The following RAB11FIP5 variants were observed in gnomAD, a reference collection of about 807,000 sequenced individuals.
RAB11FIP5 encodes the protein rab11 family-interacting protein 5.
RAB11FIP5 carries 48 observed loss-of-function variants against 85.1 expected under a neutral mutation model. That is an observed-to-expected ratio of 0.56 (90% confidence interval 0.45 to 0.72). The LOEUF (loss-of-function observed/expected upper bound fraction) is 0.72. RAB11FIP5 is among the 30% of genes least tolerant of loss of function. RAB11FIP5 has a pLI of 0.00. For missense variants in RAB11FIP5, 1,491 were observed against 1,687.0 expected (o/e 0.88, Z 2.04); for synonymous variants, 729 against 727.3 (o/e 1.00, Z -0.04).
Position 73,112,832 on chromosome 2 carries a change from G to A in RAB11FIP5, c.-55C>T. ...GAGCCGGTGCAGACCCCAGGACCTG[G>A]TGACAAACCCGGCCGCGGCAGAAGG... On this transcript the variant is annotated 5_prime_UTR_variant, in exon 1 of 6. Coordinates refer to ENST00000486777, the MANE Select transcript of RAB11FIP5 (RefSeq NM_001371272.1). 1 of 1,334,870 alleles carries A rather than the reference G, an allele frequency of 7.5e-7. No homozygotes were observed. The highest frequency in any genetic ancestry group is 9.5e-7 in the Non-Finnish European group (1 of 1,047,434). The allele number at this position is 1,334,870 out of a possible 1,614,324, so 82.7% of individuals were successfully genotyped here. A position where few individuals can be genotyped will look rare whatever the true frequency, so the allele number is the denominator to read the frequency against.
In RAB11FIP5 at chr2:73,075,170, T is replaced by C. The variant is rs930981650; in HGVS notation, c.*351A>G. The C allele has an allele frequency of 1.8e-6, 1 of 560,138 alleles. No individual in the cohort carries two copies. The highest frequency in any genetic ancestry group is 1.9e-5 in the African/African-American group (1 of 53,926). The allele number at this position is 560,138 out of a possible 1,614,324, so 34.7% of individuals were successfully genotyped here. On this transcript the variant is annotated 3_prime_UTR_variant, in exon 6 of 6. Transcript: ENST00000486777. The surrounding 1 kb of genome is among the most constrained non-coding windows in gnomAD (Gnocchi z 4.6). Reference sequence around the variant, plus strand: ...CCTTGGGGGATAATAAAGTATGTGCTAGCAACCAGTCTTGTCCCAGATTAC... The same window carrying C: ...CCTTGGGGGATAATAAAGTATGTGCCAGCAACCAGTCTTGTCCCAGATTAC...
chr2:73,082,677 A>ACTCTGGGGACGGGGACAGGGCAGGTG (rs1295409301), intron 3 of RAB11FIP5, among the ~76,000 whole-genome samples: 1 of 152,014 alleles, frequency 6.6e-6, no homozygotes, highest in Non-Finnish European at 1.5e-5. Flanking sequence ...CTTCTCAGGG[A>ACTCTGGGGACGGGGACAGGGCAGGTG]CTCTGGGGAC....
chr2:73,089,549 C>G lies in RAB11FIP5; in HGVS notation c.432-234G>C, dbSNP rs1434967396. ...CCACATCCTGAGTGGGGAAGCTCCT[C>G]GGGTGCCACCAGGTAGGGCGGCGGT... On this transcript the variant is annotated intron_variant, in intron 1 of 5. Transcript: ENST00000486777. The surrounding 1 kb of genome is among the most constrained non-coding windows in gnomAD (Gnocchi z 4.6). 2 of 600,878 alleles carry G rather than the reference C, an allele frequency of 3.3e-6. No individual in the cohort carries two copies. Among genetic ancestry groups the G allele is most frequent in the Non-Finnish European group, 6.0e-6 (2 of 332,008 alleles). The allele number at this position is 600,878 out of a possible 1,614,324, so 37.2% of individuals were successfully genotyped here.
chr2:73,087,395 C>A (rs894834584), intron 3 of RAB11FIP5, among the ~76,000 whole-genome samples: 3 of 152,210 alleles, frequency 2.0e-5, no homozygotes, highest in Non-Finnish European at 2.9e-5. Context: ...GCACTTCCCA[C>A]GGTGCCATAC....
At position 73,073,491 on chromosome 2, in the gene RAB11FIP5, C is replaced by G. The variant is rs965761107; in HGVS notation, c.*2030G>C. 1.3e-5 allele frequency: 2 copies of G among 152,726 alleles called. No homozygotes were observed. Among genetic ancestry groups the G allele is most frequent in the Admixed American group, 6.5e-5 (1 of 15,292 alleles). The allele number at this position is 152,726 out of a possible 1,614,324, so 9.5% of individuals were successfully genotyped here. On this transcript the variant is annotated 3_prime_UTR_variant, in exon 6 of 6. Transcript: ENST00000486777. ...AAACAGCAAAGCAGAACCATGCCTG[C>G]TCCCTGCCCAACCCACCTGCAACTT...
chr2:73,106,365 A>G (rs1471784684), intron 1 of RAB11FIP5, among the ~76,000 whole-genome samples: 3 of 152,124 alleles, frequency 2.0e-5, no homozygotes, highest in Non-Finnish European at 4.4e-5. Flanking sequence ...AGAGGAGGAG[A>G]CCACAGCCAG....
chr2:73,097,959 C>T (rs907674636), intron 1 of RAB11FIP5, among the ~76,000 whole-genome samples: 1 of 134,962 alleles, frequency 7.4e-6, no homozygotes, highest in Non-Finnish European at 1.5e-5. Context: ...ACTCAGTTAG[C>T]ACCTACTGTG....
chr2:73,108,390 G>A (rs1684571752), intron 1 of RAB11FIP5, among the ~76,000 whole-genome samples: 2 of 152,182 alleles, frequency 1.3e-5, no homozygotes, highest in African/African-American at 2.4e-5. Context: ...TTATCAGGAT[G>A]AGGGAGAAGG....
In RAB11FIP5 at chr2:73,075,216, C is replaced by T. The variant is rs1683827559; in HGVS notation, c.*305G>A. The T allele has an allele frequency of 7.5e-6, 5 of 662,694 alleles. No homozygotes were observed. Among genetic ancestry groups the T allele is most frequent in the Non-Finnish European group, 8.3e-6 (3 of 359,576 alleles). 41.1% of individuals were successfully genotyped at this position (662,694 alleles called of 1,614,324 possible). A position where few individuals can be genotyped will look rare whatever the true frequency, so the allele number is the denominator to read the frequency against. On this transcript the variant is annotated 3_prime_UTR_variant, in exon 6 of 6. Coordinates refer to ENST00000486777, the MANE Select transcript of RAB11FIP5 (RefSeq NM_001371272.1). The surrounding 1 kb of genome is among the most constrained non-coding windows in gnomAD (Gnocchi z 4.6). The stretch of plus-strand genomic sequence containing the variant: ...ATTACTGCATCAAGCTACAGTTCAC[C>T]CCTGCTCTGTCTTGGGGGAAGAGTT...
At chr2:73,084,249 C>T (rs1439434417) in intron 3 of RAB11FIP5, 1 of 152,286 alleles carries the variant, frequency 6.6e-6, no homozygotes, top group East Asian at 1.9e-4. Flanking sequence ...ACACATCCCT[C>T]CTTCATGCCT....
intron 1 of RAB11FIP5, among the ~76,000 whole-genome samples, chr2:73,091,748 A>T (rs1684215024): frequency 6.6e-6 from 1 of 152,180 alleles, no homozygotes; most frequent in Non-Finnish European, 1.5e-5. Context: ...TCCCTATAGA[A>T]GAGCCCATCA....
At position 73,077,485 on chromosome 2, in the gene RAB11FIP5, T is replaced by C. The variant is rs1683885972; in HGVS notation, c.3582-1303A>G. ...CAACCATGCTGCTGCAGGATAATGA[T>C]CTCAGCATTCTCAAAGCTTGAGAAT... On this transcript the variant is annotated intron_variant, in intron 4 of 5. Coordinates refer to ENST00000486777, the MANE Select transcript of RAB11FIP5 (RefSeq NM_001371272.1). 2.6e-5 allele frequency among the ~76,000 whole-genome samples: 4 copies of C among 152,210 alleles called. No individual in the cohort carries two copies. In the South Asian group the frequency reaches 8.3e-4, roughly 32 times the overall value.
chr2:73,096,337 A>G (rs1341457856), intron 1 of RAB11FIP5, among the ~76,000 whole-genome samples: 1 of 152,192 alleles, frequency 6.6e-6, no homozygotes, highest in African/African-American at 2.4e-5. Context: ...TCCTGCACTC[A>G]GGGGAGAGCT....
chr2:73,087,330 G>A (rs1042987395), intron 3 of RAB11FIP5, among the ~76,000 whole-genome samples: 2 of 152,220 alleles, frequency 1.3e-5, no homozygotes, highest in African/African-American at 4.8e-5. Context: ...CAGGGTCTCT[G>A]CCCAGGGCCT....
At position 73,112,788 on chromosome 2, in the gene RAB11FIP5, C is replaced by CG; in HGVS notation, c.-12dup. 3 of 1,418,328 alleles carry CG rather than the reference C, an allele frequency of 2.1e-6. No individual in the cohort carries two copies. Among genetic ancestry groups the CG allele is most frequent in the Non-Finnish European group, 2.7e-6 (3 of 1,095,514 alleles). 87.9% of individuals were successfully genotyped at this position (1,418,328 alleles called of 1,614,324 possible). ...CCGCACCAGGGCCATGGCGGAGAAG[C>CG]GGGGGGCGAGGTCTGGCCGAGCCGG... On this transcript the variant is annotated 5_prime_UTR_variant, in exon 1 of 6. Transcript: ENST00000486777.
intron 1 of RAB11FIP5, among the ~76,000 whole-genome samples, chr2:73,104,466 G>T (rs1684486078): frequency 6.6e-6 from 1 of 152,196 alleles, no homozygotes; most frequent in Non-Finnish European, 1.5e-5. Context: ...TGCTCGGTAG[G>T]CTGAGGCAGG....
intron 1 of RAB11FIP5, among the ~76,000 whole-genome samples, chr2:73,104,144 C>T (rs902621932): frequency 6.6e-6 from 1 of 152,190 alleles, no homozygotes; most frequent in Non-Finnish European, 1.5e-5. Context: ...GCAGAAAACA[C>T]CTTTGGAAGG....
Position 73,079,635 on chromosome 2 carries a change from G to T in RAB11FIP5, c.3581+16C>A, listed in dbSNP as rs898910143. 8.9e-6 allele frequency: 11 copies of T among 1,232,754 alleles called. No individual in the cohort carries two copies. Among genetic ancestry groups the T allele is most frequent in the Middle Eastern group, 6.2e-4 (2 of 3,232 alleles). 76.4% of individuals were successfully genotyped at this position (1,232,754 alleles called of 1,614,324 possible). The stretch of plus-strand genomic sequence containing the variant: ...CCCCCTTCCTCCTGGACAGTGTTCT[G>T]GGGGTGGATGCTCACCTGGCACTGG... On this transcript the variant is annotated intron_variant, in intron 4 of 5. Coordinates refer to ENST00000486777, the MANE Select transcript of RAB11FIP5 (RefSeq NM_001371272.1).
rs943507017 is a variant in RAB11FIP5 at position 73,081,141 on chromosome 2, C to A, written c.2091G>T (p.Gln697His). 89 of 1,233,562 alleles carry A rather than the reference C, an allele frequency of 7.2e-5. No homozygotes were observed. The Middle Eastern group carries it at 1.2e-3, about 17-fold the overall frequency. 76.4% of individuals were successfully genotyped at this position (1,233,562 alleles called of 1,614,324 possible). ...GAMTAKAAEP[Q>H]GEPGGGGGGG... ...CTCCTCCTCCTCCCCCAGGCTCTCC[C>A]TGGGGCTCAGCTGCCTTCGCAGTCA... is the stretch of plus-strand genomic sequence containing the variant. The change falls in exon 4 of 6, where the codon CAG (glutamine) becomes CAT (histidine). Residue 697 changes from glutamine to histidine, a missense_variant. Gln to His is a conservative substitution (Grantham distance 24). This residue lies in a region of RAB11FIP5 where 1,211 missense variants were observed against 1,338.0 expected (regional missense o/e 0.91). Coordinates refer to ENST00000486777, the MANE Select transcript of RAB11FIP5 (RefSeq NM_001371272.1). The surrounding 1 kb of genome is among the most constrained non-coding windows in gnomAD (Gnocchi z 4.2).
Sources: gnomAD v4.1 joint callset for allele counts (sites outside exome capture counted in the v4.1 genomes callset) on GRCh38, gnomAD v4.1.1 for gene constraint, gnomAD v4.1.1 regional missense constraint, Gnocchi (gnomAD v3.1) non-coding constraint, MANE v1.5 for transcripts, NCBI Gene and HGNC (gene_info 2026-07-23, HGNC 2026-07-21) for gene names.